Variants in LRMDA observed in about 807,000 individuals in gnomAD.
LRMDA encodes the protein leucine rich melanocyte differentiation associated, also known as leucine-rich melanocyte differentiation-associated protein.
A neutral mutation model predicts 29.8 loss-of-function variants in LRMDA; 18 were observed. The ratio of observed to expected loss-of-function variants is 0.60; its 90% confidence interval spans 0.42 to 0.90. The LOEUF is 0.90. LRMDA is among the 40% of genes least tolerant of loss of function. The pLI, the probability that LRMDA is intolerant of heterozygous loss-of-function variation, is 0.00. For synonymous variants in LRMDA, 125 were observed against 109.4 expected, an observed-to-expected ratio of 1.14 and a Z score of -0.89; for missense variants, 273 against 273.9, an observed-to-expected ratio of 1.00 and a Z score of 0.02.
chr10:76,047,500 A>G (rs2132041651), intron 4 of LRMDA, among the ~76,000 whole-genome samples, 197 bp downstream of exon 4: 1 of 152,336 alleles, frequency 6.6e-6, no homozygotes. Context: ...AGAAAGATGA[A>G]AAGTTATTGC....
chr10:76,552,715 T>A (rs553652950), intron 6 of LRMDA, among the ~76,000 whole-genome samples: 1 of 152,314 alleles, frequency 6.6e-6, no homozygotes, highest in African/African-American at 2.4e-5. Flanking sequence ...TGGATCTAAA[T>A]GCAGGTCTTC....
intron 2 of LRMDA, among the ~76,000 whole-genome samples, chr10:75,740,691 C>A (rs1842818254): frequency 6.6e-6 from 1 of 152,166 alleles, no homozygotes; most frequent in South Asian, 2.1e-4. Context: ...GGCATTTCAG[C>A]TAAGAATCCC....
At chr10:75,666,469 T>C (rs1841823976) in intron 2 of LRMDA, among the ~76,000 whole-genome samples, 1 of 152,168 alleles carries the variant, frequency 6.6e-6, no homozygotes, top group African/African-American at 2.4e-5. Flanking sequence ...AATTGCAGTA[T>C]GTTTATATGA....
At chr10:76,249,846 A>C (rs920879103) in intron 5 of LRMDA, among the ~76,000 whole-genome samples, 9 of 152,230 alleles carry the variant, frequency 5.9e-5, no homozygotes, top group East Asian at 1.9e-4. Context: ...CTTGTTGCCC[A>C]GGCTGGAGTG....
intron 2 of LRMDA, among the ~76,000 whole-genome samples, chr10:76,008,214 C>G (rs7913317): frequency 0.07 from 10,592 of 152,148 alleles, 529 homozygotes; most frequent in Non-Finnish European, 0.1. Context: ...CAAAATGGTT[C>G]TTTCAGAGTG....
intron 5 of LRMDA, among the ~76,000 whole-genome samples, chr10:76,066,111 A>G (rs1848781245): frequency 6.6e-6 from 1 of 152,212 alleles, no homozygotes; most frequent in African/African-American, 2.4e-5. Context: ...CCTCTGCTGC[A>G]TCTCTGGCCA....
At chr10:75,863,919 T>C (rs1181128448) in intron 2 of LRMDA, among the ~76,000 whole-genome samples, 1 of 152,226 alleles carries the variant, frequency 6.6e-6, no homozygotes, top group Non-Finnish European at 1.5e-5. Flanking sequence ...TTTTTAAATT[T>C]TGGGCCTGCC....
intron 5 of LRMDA, among the ~76,000 whole-genome samples, chr10:76,156,393 A>G (rs1236115119): frequency 6.6e-6 from 1 of 152,110 alleles, no homozygotes; most frequent in Non-Finnish European, 1.5e-5. Context: ...CATAAATTAG[A>G]CCCAGCCAAA....
intron 6 of LRMDA, among the ~76,000 whole-genome samples, chr10:76,489,269 C>A (rs1842810569): frequency 1.3e-5 from 2 of 151,654 alleles, no homozygotes; most frequent in South Asian, 4.2e-4. Context: ...AGAAATTTGT[C>A]CATTACTTTT....
chr10:76,165,808 TC>T (rs1289113817), intron 5 of LRMDA, among the ~76,000 whole-genome samples: 1 of 151,500 alleles, frequency 6.6e-6, no homozygotes, highest in African/African-American at 2.4e-5. Context: ...TCTTACCAAG[TC>T]CCCCCCACAA....
chr10:75,529,673 A>C (rs1303698734), intron 2 of LRMDA, among the ~76,000 whole-genome samples: 1 of 152,202 alleles, frequency 6.6e-6, no homozygotes, highest in East Asian at 1.9e-4. Flanking sequence ...GTGACTTAAA[A>C]AATTGGCTAA....
intron 5 of LRMDA, among the ~76,000 whole-genome samples, chr10:76,284,551 C>T (rs1285317501): frequency 6.6e-6 from 1 of 152,180 alleles, no homozygotes; most frequent in Non-Finnish European, 1.5e-5. Context: ...GTTACAGCAG[C>T]ACTGGGAAAC....
At position 75,991,655 on chromosome 10, in the gene LRMDA, G is replaced by A. The variant is rs1847372101; in HGVS notation, c.132-44353G>A. Among the ~76,000 whole-genome samples, 3 of 152,364 alleles carry A rather than the reference G, an allele frequency of 2.0e-5. No homozygotes were observed. The South Asian group carries it at 6.2e-4, about 32-fold the overall frequency. ...TGTTTAGCAGGAAAGATGCGTGACT[G>A]ATGAGTGGTACCTACTAGAGTTGAT... is the stretch of plus-strand genomic sequence containing the variant. On this transcript the variant is annotated intron_variant, in intron 2 of 6. Coordinates refer to ENST00000611255, the MANE Select transcript of LRMDA (RefSeq NM_001305581.2).
At chr10:76,323,247 CA>C (rs1385755787) in intron 5 of LRMDA, among the ~76,000 whole-genome samples, 4 of 152,006 alleles carry the variant, frequency 2.6e-5, no homozygotes, top group Admixed American at 6.6e-5. Context: ...TCAAACGTCT[CA>C]AATGTCAGAA....
intron 6 of LRMDA, among the ~76,000 whole-genome samples, chr10:76,545,034 G>A (rs1843402467): frequency 6.6e-6 from 1 of 152,176 alleles, no homozygotes; most frequent in African/African-American, 2.4e-5. Context: ...GGATTCTAAT[G>A]AAGAGCAGGT....
intron 6 of LRMDA, among the ~76,000 whole-genome samples, chr10:76,534,320 C>A (rs141572542): frequency 6.6e-6 from 1 of 152,206 alleles, no homozygotes; most frequent in East Asian, 1.9e-4. Context: ...GTGTCACACT[C>A]GTGAAAGATA....
intron 2 of LRMDA, among the ~76,000 whole-genome samples, chr10:76,026,169 G>T (rs111304767): frequency 1.3e-5 from 2 of 152,172 alleles, no homozygotes. Flanking sequence ...AACCATTTAG[G>T]TTCATCATTA....
intron 5 of LRMDA, among the ~76,000 whole-genome samples, chr10:76,105,897 C>T (rs1849472600): frequency 6.6e-6 from 1 of 152,130 alleles, no homozygotes. Context: ...CAGGCGCATG[C>T]CACCATGCCC....
At chr10:75,697,090 A>G (rs1842243991) in intron 2 of LRMDA, among the ~76,000 whole-genome samples, 1 of 152,206 alleles carries the variant, frequency 6.6e-6, no homozygotes, top group African/African-American at 2.4e-5. Context: ...TGTGGTGGCC[A>G]TGAGGCAGTG....
Sources: allele counts gnomAD v4.1 joint callset (sites outside exome capture counted in the v4.1 genomes callset), GRCh38; gene constraint gnomAD v4.1.1; transcripts MANE v1.5; gene names NCBI Gene and HGNC (gene_info 2026-07-23, HGNC 2026-07-21).